Variants in IQCH observed in about 807,000 individuals in gnomAD.
IQCH encodes IQ domain-containing protein H.
IQCH carries 98 observed loss-of-function variants against 117.0 expected under a neutral mutation model. The ratio of observed to expected loss-of-function variants is 0.84; its 90% CI spans 0.71 to 0.99. The LOEUF is 0.99. Among genes scored for constraint, IQCH ranks in the 50% least tolerant of loss-of-function variants. The probability of loss-of-function intolerance (pLI) is 0.00; values close to 1 mark genes in which losing one functional copy is unlikely to be tolerated. For missense variants in IQCH, 1,102 were observed against 1,243.8 expected, an observed-to-expected ratio of 0.89 and a Z score of 1.72; for synonymous variants, 412 against 448.2, an observed-to-expected ratio of 0.92 and a Z score of 1.02.
intron 4 of IQCH, among the ~76,000 whole-genome samples, chr15:67,331,569 T>C (rs972743653): frequency 6.6e-6 from 1 of 152,156 alleles, no homozygotes; most frequent in African/African-American, 2.4e-5. Context: ...AATTAGAAGC[T>C]AATAGATATA....
Position 67,500,137 on chromosome 15 carries a change from T to C in IQCH, c.2971-496T>C, listed in dbSNP as rs1377969311. Among the ~76,000 whole-genome samples, 1 of 152,198 alleles carries C rather than the reference T, an allele frequency of 6.6e-6. No individual in the cohort carries two copies. Among genetic ancestry groups the C allele is most frequent in the Non-Finnish European group, 1.5e-5 (1 of 68,018 alleles). On this transcript the variant is annotated intron_variant, in intron 20 of 20. Coordinates refer to ENST00000335894, the MANE Select transcript of IQCH (RefSeq NM_001031715.3). This position sits in a 1 kb window ranked among gnomAD's most constrained non-coding sequence, Gnocchi z 4.4. Reference sequence around the variant, plus strand: ...ATGGGAATTGTACTTCAATAAAATATAAACAAAGTAAATGGGAATGTGTCA... The same window carrying C: ...ATGGGAATTGTACTTCAATAAAATACAAACAAAGTAAATGGGAATGTGTCA...
intron 18 of IQCH, among the ~76,000 whole-genome samples, chr15:67,486,135 A>G (rs778623666): frequency 2.0e-5 from 3 of 147,398 alleles, no homozygotes; most frequent in Non-Finnish European, 4.5e-5. Flanking sequence ...AGTTCAAGCA[A>G]TTCTCCTACC....
At chr15:67,382,776 G>T (rs1030121817) in intron 10 of IQCH, among the ~76,000 whole-genome samples, 1 of 152,186 alleles carries the variant, frequency 6.6e-6, no homozygotes, top group African/African-American at 2.4e-5. Flanking sequence ...CTCCCCCAGT[G>T]TTCCTAATTG....
intron 13 of IQCH, 112 bp from the exon 14 acceptor site, chr15:67,399,999 GAAC>G: frequency 1.4e-6 from 1 of 738,834 alleles, no homozygotes. Context: ...ATAACCAAAT[GAAC>G]AGACCATTAG....
chr15:67,357,246 CAG>C, intron 6 of IQCH, 97 bp from the exon 7 acceptor site: 1 of 784,822 alleles, frequency 1.3e-6, no homozygotes, highest in Non-Finnish European at 2.3e-6. Flanking sequence ...CAGTGGGTGA[CAG>C]AGCCATTTGA....
Position 67,332,551 on chromosome 15 carries a change from A to G in IQCH, c.388-4424A>G, listed in dbSNP as rs150672750. 1.9e-3 allele frequency among the ~76,000 whole-genome samples: 286 copies of G among 152,342 alleles called. 1 individual carries two copies. The Middle Eastern group carries it at 0.031, about 16-fold the overall frequency. On this transcript the variant is annotated intron_variant, in intron 4 of 20. Transcript: ENST00000335894. The stretch of plus-strand genomic sequence containing the variant: ...ATAAAAGAGCTCAAGCAGAGAAGCC[A>G]TGACAAATGAACTATATGTGAGCAC...
At chr15:67,326,707 G>T (rs1006607271) in intron 4 of IQCH, among the ~76,000 whole-genome samples, 2 of 151,882 alleles carry the variant, frequency 1.3e-5, no homozygotes, top group Admixed American at 6.6e-5. Flanking sequence ...AAATCCACAG[G>T]GAAACATTTT....
intron 16 of IQCH, among the ~76,000 whole-genome samples, chr15:67,429,860 G>A (rs1421945105): frequency 1.3e-5 from 2 of 152,222 alleles, no homozygotes; most frequent in African/African-American, 4.8e-5. Context: ...AAAGAAAGTG[G>A]AGAATTCTTT....
chr15:67,282,501 C>A (rs1223550825), intron 4 of IQCH, among the ~76,000 whole-genome samples: 4 of 152,076 alleles, frequency 2.6e-5, no homozygotes, highest in Non-Finnish European at 5.9e-5. Flanking sequence ...TATTTCCTAC[C>A]CTGACTTTGC....
rs1216521544 is a variant in IQCH, at chr15:67,384,200, TTTTAAG to T, written c.1373-731_1373-726del. On this transcript the variant is annotated intron_variant, in intron 10 of 20. Transcript: ENST00000335894. The surrounding 1 kb of genome is among the most constrained non-coding windows in gnomAD (Gnocchi z 4.3). ...ATACCTGCTTGTGAGTATGCATGCT[TTTTAAG>T]TTTATGTTTTGATTCACTTTTTTTA... 8.5e-5 allele frequency among the ~76,000 whole-genome samples: 13 copies of T among 152,270 alleles called. 2 individuals carry two copies. The highest frequency in any genetic ancestry group is 2.9e-4 in the African/African-American group (12 of 41,576).
At chr15:67,271,811 C>CT (rs1489772263) in intron 3 of IQCH, among the ~76,000 whole-genome samples, 2 of 151,874 alleles carry the variant, frequency 1.3e-5, no homozygotes, top group African/African-American at 4.8e-5. Context: ...GGTTTTATCT[C>CT]TTTTTTTCTT....
rs1332586914 is a variant in IQCH, at chr15:67,474,964, T to C, written c.2677-732T>C. On this transcript the variant is annotated intron_variant, in intron 17 of 20. Coordinates refer to ENST00000335894, the MANE Select transcript of IQCH (RefSeq NM_001031715.3). This position sits in a 1 kb window ranked among gnomAD's most constrained non-coding sequence, Gnocchi z 4.1. ...ATCAGGAGAAAAACATCAGACAAAC[T>C]GAAATTGAGAGAGATTTCACAAAAT... 6.6e-6 allele frequency among the ~76,000 whole-genome samples: 1 copy of C among 152,084 alleles called. No individual in the cohort carries two copies. The highest frequency in any genetic ancestry group is 1.5e-5 in the Non-Finnish European group (1 of 68,022).
chr15:67,278,650 A>G (rs1336417844), intron 3 of IQCH, among the ~76,000 whole-genome samples: 1 of 152,214 alleles, frequency 6.6e-6, no homozygotes, highest in Non-Finnish European at 1.5e-5. Flanking sequence ...TTCCAAGCTC[A>G]TTACATGTTG....
In IQCH at chr15:67,496,210, G is replaced by C. The variant is rs551046177; in HGVS notation, c.2970+1844G>C. ...CTCATGCCTGTAGTCCCAGCTACTT[G>C]GGGGGCTGAGGTGGGAGAATCATTT... On this transcript the variant is annotated intron_variant, in intron 20 of 20. Coordinates refer to ENST00000335894, the MANE Select transcript of IQCH (RefSeq NM_001031715.3). The surrounding 1 kb of genome is among the most constrained non-coding windows in gnomAD (Gnocchi z 4.4). Among the ~76,000 whole-genome samples, 6 of 152,158 alleles carry C rather than the reference G, an allele frequency of 3.9e-5. No homozygotes were observed. The Middle Eastern group carries it at 0.021, about 521-fold the overall frequency.
At position 67,268,209 on chromosome 15, in the gene IQCH, G is replaced by C. The variant is rs558407668; in HGVS notation, c.269+4993G>C. The stretch of plus-strand genomic sequence containing the variant: ...GCTTAAGGGAAAATCTGGTCGTTTT[G>C]TCTGGTAGAGACAAACCAGTAGGTA... On this transcript the variant is annotated intron_variant, in intron 3 of 20. Coordinates refer to ENST00000335894, the MANE Select transcript of IQCH (RefSeq NM_001031715.3). Among the ~76,000 whole-genome samples, 61 of 152,286 alleles carry C rather than the reference G, an allele frequency of 4.0e-4. 1 individual carries two copies. Among genetic ancestry groups the C allele is most frequent in the Middle Eastern group, 3.4e-3 (1 of 294 alleles).
At chr15:67,355,393 T>C (rs193138418) in intron 6 of IQCH, among the ~76,000 whole-genome samples, 33 of 152,116 alleles carry the variant, frequency 2.2e-4, no homozygotes, top group Non-Finnish European at 4.0e-4. Context: ...GAGACCAGCC[T>C]GTCGAACACA....
In IQCH at chr15:67,306,844, T is replaced by A. The variant is rs919458888; in HGVS notation, c.387+27332T>A. On this transcript the variant is annotated intron_variant, in intron 4 of 20. Transcript: ENST00000335894. Reference sequence around the variant, plus strand: ...TTTCTAGTAGGTCCTCAAAGGTATGTGGAAACAAGAAGAAATCCCTGGTAC... The same window carrying A: ...TTTCTAGTAGGTCCTCAAAGGTATGAGGAAACAAGAAGAAATCCCTGGTAC... 7 of 1,533,496 alleles carry A rather than the reference T, an allele frequency of 4.6e-6. No individual in the cohort carries two copies. In the African/African-American group the frequency reaches 9.6e-5, roughly 21 times the overall value. The allele number at this position is 1,533,496 out of a possible 1,614,324, so 95.0% of individuals were successfully genotyped here. A position where few individuals can be genotyped will look rare whatever the true frequency, so the allele number is the denominator to read the frequency against.
In IQCH at chr15:67,416,449, A is replaced by G. The variant is rs1457241830; in HGVS notation, c.2098-482A>G. 6.6e-6 allele frequency among the ~76,000 whole-genome samples: 1 copy of G among 151,958 alleles called. No homozygotes were observed. Among genetic ancestry groups the G allele is most frequent in the Non-Finnish European group, 1.5e-5 (1 of 68,006 alleles). ...GGAGAATCACTTGAACCCGGGAGGC[A>G]GAGGTTGCAGTGAGCCAAGATCACG... is the stretch of plus-strand genomic sequence containing the variant. On this transcript the variant is annotated intron_variant, in intron 14 of 20. Coordinates refer to ENST00000335894, the MANE Select transcript of IQCH (RefSeq NM_001031715.3). The surrounding 1 kb of genome is among the most constrained non-coding windows in gnomAD (Gnocchi z 5.1).
chr15:67,269,116 A>G (rs185327346), intron 3 of IQCH, among the ~76,000 whole-genome samples: 2 of 152,306 alleles, frequency 1.3e-5, no homozygotes, highest in African/African-American at 4.8e-5. Context: ...GCATGTGGAA[A>G]GTGTTTAATG....
Sources: gnomAD v4.1 joint callset for allele counts (sites outside exome capture counted in the v4.1 genomes callset) on GRCh38, gnomAD v4.1.1 for gene constraint, Gnocchi (gnomAD v3.1) non-coding constraint, MANE v1.5 for transcripts, NCBI Gene and HGNC (gene_info 2026-07-23, HGNC 2026-07-21) for gene names.